Variants in GSK3B observed in about 807,000 individuals in gnomAD.
GSK3B encodes the protein glycogen synthase kinase-3 beta.
A neutral mutation model predicts 56.4 loss-of-function variants in GSK3B; 15 were observed. The observed-to-expected ratio is 0.27, with a 90% CI of 0.18 to 0.41. The LOEUF is 0.41. Ranked by LOEUF, GSK3B falls within the 10% of genes least tolerant of loss-of-function variation. The pLI, the probability that GSK3B is intolerant of heterozygous loss-of-function variation, is 1.00. For missense variants in GSK3B, 300 were observed against 513.4 expected (o/e 0.58, Z 4.02); for synonymous variants, 181 against 188.9 (o/e 0.96, Z 0.34).
intron 4 of GSK3B, among the ~76,000 whole-genome samples, chr3:119,921,563 C>T (rs1233605911): frequency 6.6e-6 from 1 of 152,122 alleles, no homozygotes; most frequent in Non-Finnish European, 1.5e-5. Context: ...AATTACACTA[C>T]AGAAATTCAG....
At chr3:120,006,671 A>G (rs1268195718) in intron 1 of GSK3B, among the ~76,000 whole-genome samples, 2 of 152,248 alleles carry the variant, frequency 1.3e-5, no homozygotes, top group Non-Finnish European at 2.9e-5. Context: ...ACTACTTGGT[A>G]AATAACGAAA....
At chr3:120,032,111 A>G (rs1293241363) in intron 1 of GSK3B, among the ~76,000 whole-genome samples, 1 of 152,192 alleles carries the variant, frequency 6.6e-6, no homozygotes, top group African/African-American at 2.4e-5. Flanking sequence ...TATCTCAATA[A>G]TGATTTTTAT....
chr3:120,043,589 T>A (rs2058080412), intron 1 of GSK3B, among the ~76,000 whole-genome samples: 1 of 152,184 alleles, frequency 6.6e-6, no homozygotes, highest in Non-Finnish European at 1.5e-5. Context: ...ATGTTCCCAA[T>A]GGGCAGATAT....
chr3:120,065,836 G>T (rs1403924596), intron 1 of GSK3B, among the ~76,000 whole-genome samples: 1 of 152,066 alleles, frequency 6.6e-6, no homozygotes, highest in African/African-American at 2.4e-5. Flanking sequence ...TATTCTAAGT[G>T]GAAAAAAGCC....
intron 1 of GSK3B, among the ~76,000 whole-genome samples, chr3:120,071,301 A>C (rs2058324388): frequency 6.6e-6 from 1 of 152,324 alleles, no homozygotes; most frequent in Admixed American, 6.5e-5. Context: ...TCTTAATTCC[A>C]TATAGTTGAG....
intron 7 of GSK3B, among the ~76,000 whole-genome samples, chr3:119,891,119 T>C (rs1232743473): frequency 6.6e-6 from 1 of 151,736 alleles, no homozygotes; most frequent in African/African-American, 2.4e-5. Flanking sequence ...TACACTGCAC[T>C]GGAAAGAGGA....
At chr3:119,971,685 C>T (rs2057368772) in intron 2 of GSK3B, among the ~76,000 whole-genome samples, 1 of 129,882 alleles carries the variant, frequency 7.7e-6, no homozygotes, top group South Asian at 2.6e-4. Context: ...GATCTCGGCT[C>T]ACTGCAAGCT....
intron 1 of GSK3B, among the ~76,000 whole-genome samples, chr3:120,090,594 T>A (rs1484682637): frequency 1.3e-5 from 2 of 152,226 alleles, no homozygotes; most frequent in African/African-American, 2.4e-5. Flanking sequence ...TATGAAGTTC[T>A]GCCAGTTCTT....
chr3:119,983,538 A>G (rs1479788017), intron 2 of GSK3B, among the ~76,000 whole-genome samples: 3 of 152,156 alleles, frequency 2.0e-5, no homozygotes, highest in Non-Finnish European at 4.4e-5. Context: ...AGAGAAAAAA[A>G]AAAAAGCAGG....
intron 9 of GSK3B, among the ~76,000 whole-genome samples, chr3:119,853,020 T>C (rs941083248): frequency 6.6e-6 from 1 of 152,232 alleles, no homozygotes; most frequent in Non-Finnish European, 1.5e-5. Flanking sequence ...CTGAATGGTA[T>C]TGCCTAGGTT....
At chr3:119,905,538 T>C (rs536187713) in intron 7 of GSK3B, among the ~76,000 whole-genome samples, 3 of 152,210 alleles carry the variant, frequency 2.0e-5, no homozygotes, top group South Asian at 2.1e-4. Context: ...ATATACATAA[T>C]AGCTTTTCTA....
At chr3:119,884,888 C>T (rs953463970) in intron 7 of GSK3B, among the ~76,000 whole-genome samples, 1 of 151,818 alleles carries the variant, frequency 6.6e-6, no homozygotes, top group African/African-American at 2.4e-5. Flanking sequence ...AACATTATAC[C>T]GAATGGGCAA....
intron 2 of GSK3B, among the ~76,000 whole-genome samples, chr3:119,949,813 A>C (rs912146759): frequency 1.3e-5 from 2 of 151,534 alleles, no homozygotes; most frequent in East Asian, 1.9e-4. Context: ...AAAAAAAAAA[A>C]AGCATTCTAA....
intron 9 of GSK3B, among the ~76,000 whole-genome samples, chr3:119,852,432 T>A (rs60440577): frequency 0.021 from 3,195 of 152,124 alleles, 89 homozygotes; most frequent in South Asian, 0.069. Context: ...CACCGTGACC[T>A]CTGCCTCCTG....
intron 1 of GSK3B, among the ~76,000 whole-genome samples, chr3:120,082,859 T>A (rs1442672367): frequency 6.6e-6 from 1 of 152,204 alleles, no homozygotes; most frequent in Admixed American, 6.5e-5. Flanking sequence ...TAGAATTAAT[T>A]TCACTTGTGT....
At chr3:119,851,422 T>C (rs935563506) in intron 9 of GSK3B, among the ~76,000 whole-genome samples, 2 of 152,158 alleles carry the variant, frequency 1.3e-5, no homozygotes, top group African/African-American at 2.4e-5. Context: ...CCCAAATTCA[T>C]TGATAAAATG....
At chr3:119,952,036 T>G (rs559563815) in intron 2 of GSK3B, among the ~76,000 whole-genome samples, 5 of 143,878 alleles carry the variant, frequency 3.5e-5, no homozygotes, top group Non-Finnish European at 7.6e-5. Context: ...TGCAGAAAAA[T>G]AAACAGAGCC....
chr3:119,981,569 C>T (rs1175037491), intron 2 of GSK3B, among the ~76,000 whole-genome samples: 2 of 152,278 alleles, frequency 1.3e-5, no homozygotes, highest in African/African-American at 2.4e-5. Context: ...GCGGGTCCCA[C>T]GCCCACGGAG....
At chr3:120,088,394 C>T (rs1222535851) in intron 1 of GSK3B, among the ~76,000 whole-genome samples, 2 of 152,148 alleles carry the variant, frequency 1.3e-5, no homozygotes, top group Non-Finnish European at 2.9e-5. Flanking sequence ...ACTTCTTTAA[C>T]TCTACTCAGT....
Sources: gnomAD v4.1 joint callset for allele counts (sites outside exome capture counted in the v4.1 genomes callset) on GRCh38, gnomAD v4.1.1 for gene constraint, MANE v1.5 for transcripts, NCBI Gene and HGNC (gene_info 2026-07-23, HGNC 2026-07-21) for gene names.